RABGAP1L: variants seen among roughly 807,000 people sequenced by gnomAD.
The protein encoded by RABGAP1L is RAB GTPase activating protein 1 like, also known as rab GTPase-activating protein 1-like.
A neutral mutation model predicts 137.7 loss-of-function variants in RABGAP1L; 63 were observed. That is an observed-to-expected ratio of 0.46 (90% confidence interval 0.37 to 0.56). The LOEUF is 0.56. Ranked by LOEUF, RABGAP1L falls within the 20% of genes least tolerant of loss-of-function variation. The pLI is 0.00. For missense variants in RABGAP1L, 1,095 were observed against 1,244.0 expected, an observed-to-expected ratio of 0.88 and a Z score of 1.80; for synonymous variants, 431 against 433.7, an observed-to-expected ratio of 0.99 and a Z score of 0.08.
chr1:174,870,690 T>G (rs1652034202), intron 19 of RABGAP1L, among the ~76,000 whole-genome samples: 1 of 152,168 alleles, frequency 6.6e-6, no homozygotes, highest in Non-Finnish European at 1.5e-5. Flanking sequence ...GATTTTGTGT[T>G]TAGGACATAG....
At chr1:174,233,310 A>G (rs1477919127) in intron 4 of RABGAP1L, among the ~76,000 whole-genome samples, 6 of 151,340 alleles carry the variant, frequency 4.0e-5, no homozygotes, top group Non-Finnish European at 8.8e-5. Flanking sequence ...ACATGTGCAC[A>G]TTGTGCAGGT....
chr1:174,332,806 T>G (rs372157341), intron 11 of RABGAP1L, among the ~76,000 whole-genome samples: 4 of 152,030 alleles, frequency 2.6e-5, no homozygotes, highest in East Asian at 3.8e-4. Context: ...AAAAAACTGA[T>G]CCGGCAGTCT....
chr1:174,283,790 A>G (rs1233997304), intron 10 of RABGAP1L, among the ~76,000 whole-genome samples: 1 of 152,208 alleles, frequency 6.6e-6, no homozygotes, highest in Non-Finnish European at 1.5e-5. Flanking sequence ...TATAGGCGTG[A>G]GCCACTGCAC....
At position 174,270,910 on chromosome 1, in the gene RABGAP1L, A is replaced by G. The variant is rs555234943; in HGVS notation, c.987-1504A>G. Among the ~76,000 whole-genome samples, 4 of 152,266 alleles carry G rather than the reference A, an allele frequency of 2.6e-5. No individual in the cohort carries two copies. The South Asian group carries it at 8.3e-4, about 31-fold the overall frequency. On this transcript the variant is annotated intron_variant, in intron 7 of 25. Coordinates refer to ENST00000681986, the MANE Select transcript of RABGAP1L (RefSeq NM_001366446.1). ...GAGATAAATCTGTTCTCATTGACCT[A>G]ATTTTTTAGAGAGTCAAATTTTATT...
chr1:174,481,306 G>T (rs938730582), intron 13 of RABGAP1L, among the ~76,000 whole-genome samples: 9 of 152,110 alleles, frequency 5.9e-5, no homozygotes, highest in Admixed American at 1.3e-4. Flanking sequence ...TTGAATCATT[G>T]ACCACTTTTT....
At chr1:174,357,831 A>G (rs1683770315) in intron 11 of RABGAP1L, among the ~76,000 whole-genome samples, 1 of 152,220 alleles carries the variant, frequency 6.6e-6, no homozygotes, top group African/African-American at 2.4e-5. Flanking sequence ...GCCAGTAGGC[A>G]TTCAAGTTTG....
chr1:174,595,998 A>C (rs1348744893), intron 13 of RABGAP1L, among the ~76,000 whole-genome samples: 4 of 101,784 alleles, frequency 3.9e-5, no homozygotes, highest in South Asian at 3.2e-4. Context: ...TGTGCTAGCA[A>C]TCAGCGAGAT....
chr1:174,542,169 T>C (rs1303579342), intron 13 of RABGAP1L, among the ~76,000 whole-genome samples: 1 of 152,214 alleles, frequency 6.6e-6, no homozygotes, highest in Non-Finnish European at 1.5e-5. Context: ...GAAGGAATGG[T>C]ACCAGTTCCT....
intron 18 of RABGAP1L, among the ~76,000 whole-genome samples, chr1:174,787,923 G>A (rs1425093267): frequency 1.3e-5 from 2 of 152,080 alleles, no homozygotes; most frequent in Non-Finnish European, 2.9e-5. Flanking sequence ...GTGAGACAAC[G>A]AATAGTGAGT....
At chr1:174,747,857 G>A (rs1684006869) in intron 17 of RABGAP1L, among the ~76,000 whole-genome samples, 1 of 143,134 alleles carries the variant, frequency 7.0e-6, no homozygotes, top group East Asian at 1.9e-4. Flanking sequence ...GACCCAGAGA[G>A]CTATGCATTT....
chr1:174,652,728 C>G (rs552726405), intron 14 of RABGAP1L, among the ~76,000 whole-genome samples: 12 of 152,292 alleles, frequency 7.9e-5, no homozygotes, highest in African/African-American at 2.9e-4. Context: ...TATGAGATGT[C>G]TGTCGACCCC....
chr1:174,838,917 C>CAAAAAAAAAAAAAAAAA (rs58265128), intron 19 of RABGAP1L, among the ~76,000 whole-genome samples: 4 of 22,454 alleles, frequency 1.8e-4, no homozygotes, highest in African/African-American at 3.1e-4. Context: ...GACTCCGTCT[C>CAAAAAAAAAAAAAAAAA]AAAAAAAAAA....
intron 13 of RABGAP1L, among the ~76,000 whole-genome samples, chr1:174,612,665 G>A (rs557086328): frequency 2.3e-4 from 35 of 152,214 alleles, no homozygotes; most frequent in East Asian, 1.2e-3. Flanking sequence ...GGTAGAATTC[G>A]GCTGTGAATC....
chr1:174,816,738 T>TTC (rs1026869504), intron 19 of RABGAP1L, among the ~76,000 whole-genome samples: 3 of 151,112 alleles, frequency 2.0e-5, no homozygotes, highest in Non-Finnish European at 4.4e-5. Flanking sequence ...ACAAGTCTTT[T>TTC]TTTTTTTTTT....
intron 14 of RABGAP1L, among the ~76,000 whole-genome samples, chr1:174,640,379 T>G (rs1674433097): frequency 6.6e-6 from 1 of 152,174 alleles, no homozygotes; most frequent in Non-Finnish European, 1.5e-5. Flanking sequence ...TCCACTTTTC[T>G]TTGCTTTTTG....
Position 174,261,451 on chromosome 1 carries a change from T to C in RABGAP1L, c.986+8861T>C, listed in dbSNP as rs1673574419. 2.0e-5 allele frequency among the ~76,000 whole-genome samples: 3 copies of C among 152,256 alleles called. No homozygotes were observed. The South Asian group carries it at 6.2e-4, about 32-fold the overall frequency. ...TTGCCGGCTTGCAGCACAAACTATA[T>C]AATGAGAAACTGAAGTGATAAGAAC... is the stretch of plus-strand genomic sequence containing the variant. On this transcript the variant is annotated intron_variant, in intron 7 of 25. Coordinates refer to ENST00000681986, the MANE Select transcript of RABGAP1L (RefSeq NM_001366446.1).
chr1:174,725,842 G>A lies in RABGAP1L; in HGVS notation c.2169+23586G>A, dbSNP rs1197916865. On this transcript the variant is annotated intron_variant, in intron 17 of 25. Transcript: ENST00000681986. ...AGAATTGCAATGAGTTGGGGGGATG[G>A]GGGAGGGATAGCACTGGGAGATATA... 3.9e-5 allele frequency among the ~76,000 whole-genome samples: 6 copies of A among 152,238 alleles called. No individual in the cohort carries two copies. In the East Asian group the frequency reaches 1.2e-3, roughly 29 times the overall value.
chr1:174,441,327 G>A (rs1356454589), intron 13 of RABGAP1L, among the ~76,000 whole-genome samples: 1 of 152,172 alleles, frequency 6.6e-6, no homozygotes, highest in East Asian at 1.9e-4. Flanking sequence ...GCTTTATATA[G>A]GAAACTATGT....
intron 14 of RABGAP1L, among the ~76,000 whole-genome samples, chr1:174,662,111 T>TTTC (rs1412439972): frequency 5.1e-5 from 6 of 117,656 alleles, no homozygotes; most frequent in Admixed American, 2.3e-4. Flanking sequence ...TCTTTTTTTT[T>TTTC]TTTTTTTTTT....
Sources: gnomAD v4.1 joint callset for allele counts (sites outside exome capture counted in the v4.1 genomes callset) on GRCh38, gnomAD v4.1.1 for gene constraint, MANE v1.5 for transcripts, NCBI Gene and HGNC (gene_info 2026-07-23, HGNC 2026-07-21) for gene names.